The following SLC39A11 variants were observed in gnomAD, a reference collection of about 807,000 sequenced individuals.
The protein encoded by SLC39A11 is zinc transporter ZIP11.
In SLC39A11, 33 loss-of-function variants were observed where a neutral mutation model predicts 36.1. The observed-to-expected ratio is 0.91, with a 90% CI of 0.69 to 1.22. SLC39A11 has a LOEUF of 1.22. Among genes scored for constraint, SLC39A11 ranks in the 50% most tolerant of loss-of-function variants. SLC39A11 has a pLI of 0.00. For synonymous variants in SLC39A11, 166 were observed against 170.3 expected, an observed-to-expected ratio of 0.97 and a Z score of 0.20; for missense variants, 432 against 430.3, an observed-to-expected ratio of 1.00 and a Z score of -0.03.
At chr17:72,655,039 C>T (rs947288162) in intron 7 of SLC39A11, among the ~76,000 whole-genome samples, 2 of 152,226 alleles carry the variant, frequency 1.3e-5, no homozygotes, top group African/African-American at 4.8e-5. Context: ...CCAGCCCAAA[C>T]AGCTGCCATG....
At chr17:72,913,904 T>G (rs958844064) in intron 5 of SLC39A11, among the ~76,000 whole-genome samples, 1 of 151,384 alleles carries the variant, frequency 6.6e-6, no homozygotes, top group Admixed American at 6.6e-5. Context: ...AATATCAGCA[T>G]CAGAAAGTTA....
At chr17:72,678,712 A>G (rs2071386343) in intron 7 of SLC39A11, among the ~76,000 whole-genome samples, 1 of 151,942 alleles carries the variant, frequency 6.6e-6, no homozygotes, top group Non-Finnish European at 1.5e-5. Flanking sequence ...AAACTCCAAG[A>G]GCATGCCTCA....
At chr17:72,815,379 G>A (rs1469784797) in intron 6 of SLC39A11, among the ~76,000 whole-genome samples, 1 of 152,188 alleles carries the variant, frequency 6.6e-6, no homozygotes, top group Non-Finnish European at 1.5e-5. Context: ...CAGCACTTTG[G>A]GAGGCCAAGG....
chr17:72,732,441 G>C (rs9914252), intron 7 of SLC39A11, among the ~76,000 whole-genome samples: 1 of 152,006 alleles, frequency 6.6e-6, no homozygotes, highest in Admixed American at 6.6e-5. Flanking sequence ...CCAGAACAGC[G>C]CCTCGCATTT....
chr17:72,968,661 T>A (rs1387767063), intron 4 of SLC39A11, among the ~76,000 whole-genome samples: 1 of 152,092 alleles, frequency 6.6e-6, no homozygotes, highest in African/African-American at 2.4e-5. Flanking sequence ...CATCAGCACC[T>A]ACAGGCTACA....
intron 3 of SLC39A11, among the ~76,000 whole-genome samples, chr17:73,042,245 TAACA>T (rs1311667872): frequency 6.6e-6 from 1 of 152,108 alleles, no homozygotes; most frequent in African/African-American, 2.4e-5. Context: ...ATTTTTCTCG[TAACA>T]AATAGGGGAA....
intron 5 of SLC39A11, among the ~76,000 whole-genome samples, chr17:72,895,361 C>T (rs1248424446): frequency 6.6e-6 from 1 of 152,066 alleles, no homozygotes; most frequent in Admixed American, 6.6e-5. Flanking sequence ...GGAGGATCAC[C>T]TGAGGTCAAG....
intron 4 of SLC39A11, among the ~76,000 whole-genome samples, chr17:73,004,219 G>GA (rs1555674188): frequency 0.014 from 1,127 of 79,286 alleles, 118 homozygotes; most frequent in African/African-American, 0.081. Context: ...AAGAAAGAAA[G>GA]AAAGAAAGAA....
intron 1 of SLC39A11, 93 bp from the exon 2 acceptor site, chr17:73,088,868 G>T: frequency 1.1e-6 from 1 of 906,760 alleles, no homozygotes. Context: ...TGTGGGAGCT[G>T]GCCTCCCTCC....
intron 3 of SLC39A11, among the ~76,000 whole-genome samples, chr17:73,046,602 G>A (rs1184199043): frequency 1.3e-5 from 2 of 152,146 alleles, no homozygotes; most frequent in African/African-American, 4.8e-5. Flanking sequence ...ACCCCCACCA[G>A]TAATTATCGT....
chr17:72,654,172 C>T (rs1258041813), intron 7 of SLC39A11, among the ~76,000 whole-genome samples: 1 of 152,158 alleles, frequency 6.6e-6, no homozygotes, highest in Admixed American at 6.5e-5. Flanking sequence ...CAGGAGCTCT[C>T]TTCCTCACCT....
Position 72,957,880 on chromosome 17 carries a change from T to C in SLC39A11, c.307-10005A>G, listed in dbSNP as rs541617489. On this transcript the variant is annotated intron_variant, in intron 4 of 9. Coordinates refer to ENST00000255559, the MANE Select transcript of SLC39A11 (RefSeq NM_139177.4). ...TGGCTTGCGCCTATAATCCCAGCTA[T>C]TCAGGAGGCTAAGGCAGGAGAATCG... Among the ~76,000 whole-genome samples the C allele has an allele frequency of 4.0e-5, 6 of 150,806 alleles. No homozygotes were observed. The South Asian group carries it at 1.3e-3, about 32-fold the overall frequency.
chr17:72,683,782 T>C lies in SLC39A11; in HGVS notation c.672-34514A>G, dbSNP rs545882415. On this transcript the variant is annotated intron_variant, in intron 7 of 9. Coordinates refer to ENST00000255559, the MANE Select transcript of SLC39A11 (RefSeq NM_139177.4). ...AACCAAAGTGCAGCTCAAAGTCAGA[T>C]GTGCTCTTAGACAGGTCCCCCGAGA... 1.2e-4 allele frequency among the ~76,000 whole-genome samples: 18 copies of C among 152,172 alleles called. No individual in the cohort carries two copies. In the South Asian group the frequency reaches 3.8e-3, roughly 32 times the overall value.
intron 7 of SLC39A11, among the ~76,000 whole-genome samples, chr17:72,693,540 G>A (rs778622802): frequency 4.6e-5 from 7 of 152,130 alleles, no homozygotes; most frequent in Non-Finnish European, 5.9e-5. Flanking sequence ...TTGGGCGGTC[G>A]CACAATAGTA....
At chr17:72,750,539 C>T (rs377319181) in intron 6 of SLC39A11, among the ~76,000 whole-genome samples, 13 of 151,334 alleles carry the variant, frequency 8.6e-5, no homozygotes, top group Admixed American at 4.0e-4. Flanking sequence ...GGAGGACTTT[C>T]GAACAAAATT....
At chr17:72,906,457 T>G (rs2082662136) in intron 5 of SLC39A11, among the ~76,000 whole-genome samples, 2 of 152,220 alleles carry the variant, frequency 1.3e-5, no homozygotes, top group South Asian at 4.1e-4. Context: ...GCTGGGTCTG[T>G]GCACACAGTT....
At chr17:72,757,588 G>A (rs2075403919) in intron 6 of SLC39A11, among the ~76,000 whole-genome samples, 2 of 152,178 alleles carry the variant, frequency 1.3e-5, no homozygotes, top group Admixed American at 1.3e-4. Context: ...TTAGTGGCAG[G>A]CACTCCCACC....
intron 4 of SLC39A11, among the ~76,000 whole-genome samples, chr17:72,973,482 T>G (rs554311404): frequency 1.3e-5 from 2 of 152,156 alleles, no homozygotes. Context: ...GGGGAGGCTG[T>G]AGGTCTAGGA....
Position 72,948,013 on chromosome 17 carries a change from A to T in SLC39A11, c.307-138T>A. ...GCTGAGCCAGTCCTCCGGCCAACCC[A>T]GTTGCCAGGCCATGCTGGGTCTTCA... On this transcript the variant is annotated intron_variant, in intron 4 of 9. Transcript: ENST00000255559. 2.8e-6 allele frequency: 3 copies of T among 1,074,920 alleles called. No homozygotes were observed. In the East Asian group the frequency reaches 7.2e-5, roughly 26 times the overall value. 66.6% of individuals were successfully genotyped at this position (1,074,920 alleles called of 1,614,324 possible). A position where few individuals can be genotyped will look rare whatever the true frequency, so the allele number is the denominator to read the frequency against.
Sources: gnomAD v4.1 joint callset for allele counts (sites outside exome capture counted in the v4.1 genomes callset) on GRCh38, gnomAD v4.1.1 for gene constraint, MANE v1.5 for transcripts, NCBI Gene and HGNC (gene_info 2026-07-23, HGNC 2026-07-21) for gene names.